The following RSRC1 variants were observed in gnomAD, a reference collection of about 807,000 sequenced individuals.
RSRC1 encodes arginine and serine rich coiled-coil 1.
Under a neutral mutation model 49.1 loss-of-function variants are expected in RSRC1, and 39 were observed. The ratio of observed to expected loss-of-function variants is 0.79; its 90% CI spans 0.61 to 1.04. The LOEUF is 1.04. Ranked by LOEUF, RSRC1 falls within the 50% of genes least tolerant of loss-of-function variation. The pLI is 0.00. For missense variants in RSRC1, 388 were observed against 402.4 expected, an observed-to-expected ratio of 0.96 and a Z score of 0.31; for synonymous variants, 143 against 130.8, an observed-to-expected ratio of 1.09 and a Z score of -0.63.
chr3:158,242,444 A>G (rs1018429723), intron 4 of RSRC1, among the ~76,000 whole-genome samples: 9 of 151,910 alleles, frequency 5.9e-5, no homozygotes, highest in Non-Finnish European at 1.0e-4. Context: ...TCTTTATCCA[A>G]TCTATCATTG....
intron 4 of RSRC1, among the ~76,000 whole-genome samples, chr3:158,239,243 T>C (rs567280827): frequency 0.026 from 3,931 of 152,186 alleles, 153 homozygotes; most frequent in African/African-American, 0.09. Flanking sequence ...AGAAATAGAA[T>C]GCTTTTACAC....
At chr3:158,255,427 T>C (rs1285922591) in intron 4 of RSRC1, among the ~76,000 whole-genome samples, 1 of 152,220 alleles carries the variant, frequency 6.6e-6, no homozygotes, top group Non-Finnish European at 1.5e-5. Context: ...GGTCTATATC[T>C]CTGTTTTGGT....
chr3:158,487,949 G>GAAAAAAAAAAAAAAAAA (rs58689210), intron 7 of RSRC1, among the ~76,000 whole-genome samples: 7 of 28,920 alleles, frequency 2.4e-4, no homozygotes, highest in Non-Finnish European at 3.0e-4. Flanking sequence ...TCCATCTCAA[G>GAAAAAAAAAAAAAAAAA]AAAAAAAAAA....
intron 3 of RSRC1, among the ~76,000 whole-genome samples, chr3:158,144,404 G>A (rs1006410423): frequency 6.6e-5 from 10 of 151,912 alleles, no homozygotes; most frequent in African/African-American, 2.2e-4. Flanking sequence ...TTGTCCTTGC[G>A]ATAGTTTGCT....
At chr3:158,204,653 G>A (rs1721251519) in intron 4 of RSRC1, among the ~76,000 whole-genome samples, 1 of 152,112 alleles carries the variant, frequency 6.6e-6, no homozygotes, top group Non-Finnish European at 1.5e-5. Flanking sequence ...TCTGAGTCTG[G>A]AAAATATGCT....
intron 4 of RSRC1, 81 bp downstream of exon 4, chr3:158,203,326 T>C: frequency 7.0e-7 from 1 of 1,422,524 alleles, no homozygotes; most frequent in African/African-American, 1.4e-5. Flanking sequence ...TCTCTGAGGT[T>C]TTTCTTGTGG....
intron 4 of RSRC1, among the ~76,000 whole-genome samples, chr3:158,252,789 T>A (rs905266678): frequency 6.6e-6 from 1 of 152,216 alleles, no homozygotes; most frequent in African/African-American, 2.4e-5. Flanking sequence ...TCACGTTTTG[T>A]ATTTTTTCAT....
intron 3 of RSRC1, among the ~76,000 whole-genome samples, chr3:158,146,659 G>T (rs1229517052): frequency 2.6e-5 from 4 of 152,186 alleles, no homozygotes; most frequent in Admixed American, 6.5e-5. Context: ...GAGTTAGGCA[G>T]GATTCCCTCT....
chr3:158,343,819 C>T (rs1226911929), intron 5 of RSRC1, among the ~76,000 whole-genome samples: 1 of 151,980 alleles, frequency 6.6e-6, no homozygotes, highest in Non-Finnish European at 1.5e-5. Flanking sequence ...AGTTGTGGTA[C>T]AACTTTAGGT....
intron 5 of RSRC1, among the ~76,000 whole-genome samples, chr3:158,301,983 G>T (rs953401499): frequency 1.8e-4 from 13 of 73,014 alleles, no homozygotes; most frequent in South Asian, 4.0e-4. Flanking sequence ...GTTTTTTGGG[G>T]TTTTTTTGTT....
intron 3 of RSRC1, among the ~76,000 whole-genome samples, chr3:158,172,800 G>A (rs1016894316): frequency 1.3e-5 from 2 of 152,044 alleles, no homozygotes; most frequent in Admixed American, 6.6e-5. Context: ...ACTCTGTGAG[G>A]TTAAAACAAT....
intron 3 of RSRC1, among the ~76,000 whole-genome samples, chr3:158,174,134 AG>A (rs1290585815): frequency 1.3e-5 from 2 of 152,098 alleles, no homozygotes; most frequent in Admixed American, 1.3e-4. Context: ...TTTTAAAAAA[AG>A]ATTCAAGATA....
chr3:158,495,117 G>A (rs895006633), intron 7 of RSRC1, among the ~76,000 whole-genome samples: 9 of 152,136 alleles, frequency 5.9e-5, no homozygotes, highest in Non-Finnish European at 2.9e-5. Flanking sequence ...ACATCACTGG[G>A]CAATAGGAAT....
At chr3:158,439,876 C>T (rs765144236) in intron 6 of RSRC1, among the ~76,000 whole-genome samples, 2 of 151,820 alleles carry the variant, frequency 1.3e-5, no homozygotes, top group South Asian at 2.1e-4. Context: ...AGTGCATGTA[C>T]GACAAGAGCA....
chr3:158,221,684 A>G (rs1309640156), intron 4 of RSRC1, among the ~76,000 whole-genome samples: 7 of 151,492 alleles, frequency 4.6e-5, no homozygotes, highest in African/African-American at 9.7e-5. Flanking sequence ...CAAAGATTTC[A>G]TAAAGTAGAT....
chr3:158,406,919 T>C (rs1734186276), intron 6 of RSRC1, among the ~76,000 whole-genome samples: 1 of 152,066 alleles, frequency 6.6e-6, no homozygotes. Flanking sequence ...AATTTATTAT[T>C]CTGGAGATTT....
chr3:158,362,760 CATT>C (rs1221218604), intron 6 of RSRC1, among the ~76,000 whole-genome samples: 1 of 152,196 alleles, frequency 6.6e-6, no homozygotes, highest in Middle Eastern at 3.2e-3. Flanking sequence ...CCATTCCAAA[CATT>C]ATCTAGATTT....
intron 4 of RSRC1, 79 bp downstream of exon 4, chr3:158,203,324 GTT>G (rs1390265336): frequency 7.7e-6 from 11 of 1,431,280 alleles, no homozygotes; most frequent in African/African-American, 1.4e-5. Flanking sequence ...GTTCTCTGAG[GTT>G]TTTCTTGTGG....
At chr3:158,179,614 G>A (rs1719463963) in intron 3 of RSRC1, among the ~76,000 whole-genome samples, 1 of 152,036 alleles carries the variant, frequency 6.6e-6, no homozygotes, top group Admixed American at 6.5e-5. Flanking sequence ...CTCACGGTAT[G>A]GTTGTACCTC....
Sources: allele counts gnomAD v4.1 joint callset (sites outside exome capture counted in the v4.1 genomes callset), GRCh38; gene constraint gnomAD v4.1.1; transcripts MANE v1.5; gene names NCBI Gene and HGNC (gene_info 2026-07-23, HGNC 2026-07-21).